The following SLC41A3 variants were observed in gnomAD, a reference collection of about 807,000 sequenced individuals.
SLC41A3 encodes solute carrier family 41 member 3, also known as SLC41A1-like 2.
SLC41A3 carries 44 observed loss-of-function variants against 45.4 expected under a neutral mutation model. The observed-to-expected ratio is 0.97, with a 90% CI of 0.76 to 1.25. SLC41A3 has a LOEUF of 1.25. Ranked by LOEUF, SLC41A3 falls within the 50% of genes most tolerant of loss-of-function variation. The pLI is 0.00. For missense variants in SLC41A3, 550 were observed against 600.6 expected (o/e 0.92, Z 0.88); for synonymous variants, 256 against 252.4 (o/e 1.01, Z -0.13).
At chr3:126,080,543 A>T (rs974097937) in intron 1 of SLC41A3, among the ~76,000 whole-genome samples, 1 of 152,256 alleles carries the variant, frequency 6.6e-6, no homozygotes, top group Non-Finnish European at 1.5e-5. Flanking sequence ...TTTATAAAAA[A>T]GACAGGGAAT....
At chr3:126,061,246 T>A (rs1944050148) in intron 2 of SLC41A3, among the ~76,000 whole-genome samples, 1 of 152,208 alleles carries the variant, frequency 6.6e-6, no homozygotes, top group African/African-American at 2.4e-5. Flanking sequence ...CAATTAAATT[T>A]TAAATAACTG....
At chr3:126,042,988 G>A (rs1942693302) in intron 3 of SLC41A3, among the ~76,000 whole-genome samples, 1 of 148,706 alleles carries the variant, frequency 6.7e-6, no homozygotes, top group Non-Finnish European at 1.5e-5. Flanking sequence ...TTGAAGAAAT[G>A]ATGGCCAAAA....
rs749449262 is a variant in SLC41A3, at chr3:126,033,678, C to A, written c.382G>T (p.Ala128Ser). The A allele has an allele frequency of 3.7e-5, 59 of 1,612,312 alleles. No individual in the cohort carries two copies. Among genetic ancestry groups the A allele is most frequent in the Non-Finnish European group, 4.7e-5 (56 of 1,179,624 alleles). Residue 128 changes from alanine to serine, a missense_variant and splice_region_variant, in exon 4 of 11, where the codon GCC (alanine) becomes TCC (serine). Ala to Ser is a moderately conservative substitution (Grantham distance 99). Coordinates refer to ENST00000360370, the MANE Select transcript of SLC41A3 (RefSeq NM_017836.4). ...MTLASRLSTA[A>S]NTGQIDDPQE... ...GGGTCATCAATTTGTCCAGTGTTGGCCTAGAATGAAGAGAAAAGGACAAAG... is the reference window on the plus strand; with the variant it reads ...GGGTCATCAATTTGTCCAGTGTTGGACTAGAATGAAGAGAAAAGGACAAAG...
At chr3:126,060,835 G>A (rs1046179354) in intron 2 of SLC41A3, among the ~76,000 whole-genome samples, 2 of 152,180 alleles carry the variant, frequency 1.3e-5, no homozygotes, top group South Asian at 2.1e-4. Flanking sequence ...CCTTCTCTGG[G>A]CCTCCAACCC....
chr3:126,083,047 G>A (rs1320637956), intron 1 of SLC41A3, among the ~76,000 whole-genome samples: 1 of 152,200 alleles, frequency 6.6e-6, no homozygotes, highest in Non-Finnish European at 1.5e-5. Flanking sequence ...GTGAAATGGG[G>A]TAATACTACC....
chr3:126,070,674 A>G (rs1944575612), intron 1 of SLC41A3, among the ~76,000 whole-genome samples: 1 of 152,232 alleles, frequency 6.6e-6, no homozygotes, highest in African/African-American at 2.4e-5. Flanking sequence ...GGAGAAATTA[A>G]GAGATTTTCA....
At chr3:126,075,602 T>C (rs1484841035) in intron 1 of SLC41A3, among the ~76,000 whole-genome samples, 2 of 152,166 alleles carry the variant, frequency 1.3e-5, no homozygotes, top group African/African-American at 4.8e-5. Flanking sequence ...TCAAAACTTA[T>C]TGTAAAACTT....
upstream of SLC41A3, among the ~76,000 whole-genome samples, chr3:126,088,594 GAA>G (rs372347730): frequency 3.3e-5 from 5 of 151,782 alleles, no homozygotes; most frequent in African/African-American, 1.2e-4. Context: ...TTAGAATGAA[GAA>G]AAAAATATAT....
intron 4 of SLC41A3, among the ~76,000 whole-genome samples, chr3:126,032,364 C>T (rs1006428452): frequency 6.6e-6 from 1 of 152,162 alleles, no homozygotes; most frequent in African/African-American, 2.4e-5. Context: ...ATGCACAACT[C>T]GGAGGCAGAA....
chr3:126,080,272 T>A (rs1391960809), intron 1 of SLC41A3, among the ~76,000 whole-genome samples: 1 of 151,584 alleles, frequency 6.6e-6, no homozygotes, highest in African/African-American at 2.4e-5. Context: ...AGTGAAAAAA[T>A]AACCCACAGA....
chr3:126,023,726 T>A (rs1055908360), intron 5 of SLC41A3: 1 of 152,182 alleles, frequency 6.6e-6, no homozygotes, highest in East Asian at 1.9e-4. Flanking sequence ...CTCCTTCCTG[T>A]TCAGACTGTT....
At chr3:126,083,707 T>C (rs1165211102) in intron 1 of SLC41A3, among the ~76,000 whole-genome samples, 1 of 151,494 alleles carries the variant, frequency 6.6e-6, no homozygotes, top group Non-Finnish European at 1.5e-5. Flanking sequence ...GGCCGCTGAA[T>C]GCACACCGCA....
intron 10 of SLC41A3, 66 bp from the exon 11 acceptor site, chr3:126,007,291 C>G (rs935522591): frequency 5.2e-5 from 80 of 1,532,088 alleles, no homozygotes; most frequent in Non-Finnish European, 6.7e-5. Flanking sequence ...GCAGGAAGCA[C>G]TAGCTGAGGC....
At chr3:126,039,731 C>G (rs748404316) in intron 3 of SLC41A3, among the ~76,000 whole-genome samples, 1 of 152,320 alleles carries the variant, frequency 6.6e-6, no homozygotes, top group Non-Finnish European at 1.5e-5. Flanking sequence ...AACAACCAGA[C>G]AATCCACACA....
chr3:126,020,425 C>T (rs1158849926), intron 6 of SLC41A3, among the ~76,000 whole-genome samples: 1 of 152,214 alleles, frequency 6.6e-6, no homozygotes, highest in Non-Finnish European at 1.5e-5. Context: ...GGCTCAGTCA[C>T]ACCCTTGGAT....
chr3:126,054,445 A>C (rs1162650113), intron 2 of SLC41A3, among the ~76,000 whole-genome samples: 1 of 152,132 alleles, frequency 6.6e-6, no homozygotes, highest in Non-Finnish European at 1.5e-5. Context: ...TTTAACATAA[A>C]GCAAACACCT....
rs550044495 is a variant in SLC41A3, at chr3:126,067,025, T to C, written c.273+922A>G. Among the ~76,000 whole-genome samples the C allele has an allele frequency of 1.1e-4, 14 of 131,594 alleles. No homozygotes were observed. The East Asian group carries it at 3.8e-3, about 36-fold the overall frequency. The allele number at this position is 131,594 out of a possible 152,430, so 86.3% of individuals were successfully genotyped here. A position where few individuals can be genotyped will look rare whatever the true frequency, so the allele number is the denominator to read the frequency against. ...CCCTTAGCTGGATTGACAGGCAAAATATCTGTGTCAATGTGTGTCAATGTA... is the reference window on the plus strand; with the variant it reads ...CCCTTAGCTGGATTGACAGGCAAAACATCTGTGTCAATGTGTGTCAATGTA... On this transcript the variant is annotated intron_variant, in intron 2 of 10. Transcript: ENST00000360370.
intron 3 of SLC41A3, among the ~76,000 whole-genome samples, chr3:126,049,009 A>G (rs189143215): frequency 1.3e-5 from 2 of 152,274 alleles, no homozygotes; most frequent in African/African-American, 2.4e-5. Context: ...GTAATGAATT[A>G]CATTAATATG....
intron 2 of SLC41A3, among the ~76,000 whole-genome samples, chr3:126,064,631 C>T (rs773144187): frequency 1.3e-5 from 2 of 152,294 alleles, no homozygotes; most frequent in Admixed American, 6.5e-5. Flanking sequence ...TCCTCCCGCA[C>T]CCCCAGTCTT....
Sources: gnomAD v4.1 joint callset for allele counts (sites outside exome capture counted in the v4.1 genomes callset) on GRCh38, gnomAD v4.1.1 for gene constraint, MANE v1.5 for transcripts, NCBI Gene and HGNC (gene_info 2026-07-23, HGNC 2026-07-21) for gene names.